SLC35F3: variants seen among roughly 807,000 people sequenced by gnomAD.
SLC35F3 encodes solute carrier family 35 member F3, also known as putative thiamine transporter SLC35F3.
In SLC35F3, 25 loss-of-function variants were observed where a neutral mutation model predicts 49.9. That is an observed-to-expected ratio of 0.50 (90% CI 0.37 to 0.70). The LOEUF is 0.70. SLC35F3 is among the 30% of genes least tolerant of loss of function. The pLI, the probability that SLC35F3 is intolerant of heterozygous loss-of-function variation, is 0.00. For missense variants in SLC35F3, 525 were observed against 639.8 expected, an observed-to-expected ratio of 0.82 and a Z score of 1.94; for synonymous variants, 275 against 265.4, an observed-to-expected ratio of 1.04 and a Z score of -0.35.
intron 3 of SLC35F3, among the ~76,000 whole-genome samples, chr1:234,278,271 C>T (rs950193860): frequency 6.6e-6 from 1 of 152,140 alleles, no homozygotes; most frequent in African/African-American, 2.4e-5. Flanking sequence ...CTGGTGACCA[C>T]CTGAGGTCAG....
chr1:234,188,376 A>C (rs1316459998), intron 2 of SLC35F3, among the ~76,000 whole-genome samples: 1 of 152,154 alleles, frequency 6.6e-6, no homozygotes, highest in Non-Finnish European at 1.5e-5. Flanking sequence ...GGTGGAAATG[A>C]GACTGGCCTT....
At chr1:234,318,990 C>A in intron 6 of SLC35F3, 47 bp downstream of exon 6, 2 of 1,514,454 alleles carry the variant, frequency 1.3e-6, no homozygotes, top group Non-Finnish European at 1.8e-6. Flanking sequence ...CAACCACCCA[C>A]AGAGGACCCT....
chr1:233,970,400 A>G (rs528076459), intron 2 of SLC35F3, among the ~76,000 whole-genome samples: 1 of 152,298 alleles, frequency 6.6e-6, no homozygotes, highest in African/African-American at 2.4e-5. Flanking sequence ...ATAATATTAC[A>G]TGAGATTTTG....
At position 234,245,269 on chromosome 1, in the gene SLC35F3, T is replaced by C. The variant is rs538218819; in HGVS notation, c.608+13528T>C. Among the ~76,000 whole-genome samples, 127 of 152,366 alleles carry C rather than the reference T, an allele frequency of 8.3e-4. 3 individuals are homozygous for C. The highest frequency in any genetic ancestry group is 4.1e-3 in the South Asian group (20 of 4,830). The stretch of plus-strand genomic sequence containing the variant: ...TTCAATTAACAGAATGACCTCCAGT[T>C]CCATCCATGTTGCTGCAAATGACAT... On this transcript the variant is annotated intron_variant, in intron 3 of 7. Coordinates refer to ENST00000366618, the MANE Select transcript of SLC35F3 (RefSeq NM_173508.4).
chr1:233,984,162 G>C (rs1465785030), intron 2 of SLC35F3, among the ~76,000 whole-genome samples: 3 of 152,182 alleles, frequency 2.0e-5, no homozygotes, highest in African/African-American at 7.2e-5. Flanking sequence ...GATTCAAAAA[G>C]CTACTCGGCT....
intron 2 of SLC35F3, among the ~76,000 whole-genome samples, chr1:234,116,115 T>C (rs1381098183): frequency 6.6e-6 from 1 of 152,228 alleles, no homozygotes; most frequent in Non-Finnish European, 1.5e-5. Flanking sequence ...ATTATGTATT[T>C]GTCTCATGCT....
intron 2 of SLC35F3, among the ~76,000 whole-genome samples, chr1:234,102,792 T>G (rs1665232626): frequency 6.6e-6 from 1 of 152,202 alleles, no homozygotes; most frequent in Non-Finnish European, 1.5e-5. Context: ...ACGCGAAGAT[T>G]CCAAACCACA....
chr1:234,139,956 A>AAATAAAATAAAATAAAAT (rs1665869776), intron 2 of SLC35F3, among the ~76,000 whole-genome samples: 1 of 120,412 alleles, frequency 8.3e-6, no homozygotes, highest in Non-Finnish European at 1.7e-5. Context: ...CAAAATAATA[A>AAATAAAATAAAATAAAAT]AATAAAATAA....
intron 2 of SLC35F3, among the ~76,000 whole-genome samples, chr1:233,985,892 CTTG>C (rs1390090098): frequency 1.3e-5 from 2 of 152,138 alleles, no homozygotes; most frequent in Non-Finnish European, 2.9e-5. Flanking sequence ...AACAAACGTT[CTTG>C]TTGTAGCTTT....
intron 2 of SLC35F3, among the ~76,000 whole-genome samples, chr1:233,970,986 A>G (rs6586418): frequency 0.21 from 31,482 of 152,154 alleles, 3,478 homozygotes; most frequent in East Asian, 0.37. Flanking sequence ...AATGAGAAGA[A>G]TTGTTTTGTT....
At chr1:233,939,521 A>G (rs935276816) in intron 2 of SLC35F3, among the ~76,000 whole-genome samples, 1 of 152,166 alleles carries the variant, frequency 6.6e-6, no homozygotes, top group African/African-American at 2.4e-5. Context: ...TTATATTAGA[A>G]CTGTGTTCTT....
chr1:233,968,601 C>T lies in SLC35F3; in HGVS notation c.283+62843C>T, dbSNP rs1484371836. Among the ~76,000 whole-genome samples the T allele has an allele frequency of 5.3e-5, 8 of 152,208 alleles. No homozygotes were observed. In the Middle Eastern group the frequency reaches 0.017, roughly 324 times the overall value. On this transcript the variant is annotated intron_variant, in intron 2 of 7. Transcript: ENST00000366618. ...CTCCTGGGTTCAAGTGATTCTGCCT[C>T]GGCCTCCCAAGTAGCTAGGATTACA...
intron 3 of SLC35F3, among the ~76,000 whole-genome samples, chr1:234,253,745 CAG>C (rs1216883619): frequency 1.3e-5 from 2 of 152,160 alleles, no homozygotes; most frequent in South Asian, 2.1e-4. Context: ...AGAAAATGGA[CAG>C]AGAGGCACAT....
At chr1:234,089,918 A>G (rs923017558) in intron 2 of SLC35F3, among the ~76,000 whole-genome samples, 6 of 152,232 alleles carry the variant, frequency 3.9e-5, no homozygotes, top group African/African-American at 1.4e-4. Flanking sequence ...ATATACCAAG[A>G]TAACTCCACA....
intron 2 of SLC35F3, among the ~76,000 whole-genome samples, chr1:233,964,243 G>A (rs1662857019): frequency 6.6e-6 from 1 of 152,212 alleles, no homozygotes. Context: ...TCACAAAGGA[G>A]TAGACGGCTA....
chr1:234,230,121 T>A (rs1667344041), intron 2 of SLC35F3, among the ~76,000 whole-genome samples: 1 of 152,194 alleles, frequency 6.6e-6, no homozygotes, highest in African/African-American at 2.4e-5. Context: ...ATAGAGATGG[T>A]GTGAAACAGT....
intron 3 of SLC35F3, among the ~76,000 whole-genome samples, chr1:234,264,589 C>T (rs181440096): frequency 2.0e-5 from 3 of 152,172 alleles, no homozygotes; most frequent in Non-Finnish European, 4.4e-5. Flanking sequence ...CTCTGTTACC[C>T]ATGCTGGAGT....
chr1:234,305,530 G>C (rs1042903359), intron 3 of SLC35F3, among the ~76,000 whole-genome samples: 4 of 151,584 alleles, frequency 2.6e-5, no homozygotes, highest in Non-Finnish European at 5.9e-5. Flanking sequence ...CTACAGGCGC[G>C]CACCACCATG....
intron 2 of SLC35F3, among the ~76,000 whole-genome samples, chr1:234,153,676 C>T (rs1373454717): frequency 1.3e-5 from 2 of 152,154 alleles, no homozygotes; most frequent in African/African-American, 4.8e-5. Context: ...CCTGTAATCC[C>T]AGGATTTTGG....
Sources: gnomAD v4.1 joint callset for allele counts (sites outside exome capture counted in the v4.1 genomes callset) on GRCh38, gnomAD v4.1.1 for gene constraint, MANE v1.5 for transcripts, NCBI Gene and HGNC (gene_info 2026-07-23, HGNC 2026-07-21) for gene names.